SPTLC1: variants seen among roughly 807,000 people sequenced by gnomAD.
The protein encoded by SPTLC1 is serine palmitoyltransferase long chain base subunit 1.
Under a neutral mutation model 68.9 loss-of-function variants are expected in SPTLC1, and 55 were observed. The observed-to-expected ratio is 0.80, with a 90% CI of 0.64 to 1.00. The LOEUF (loss-of-function observed/expected upper bound fraction) is 1.00, where lower values mean the gene tolerates loss of function less well. Ranked by LOEUF, SPTLC1 falls within the 50% of genes least tolerant of loss-of-function variation. SPTLC1 has a pLI of 0.00. For missense variants in SPTLC1, 449 were observed against 573.1 expected (o/e 0.78, Z 2.21); for synonymous variants, 197 against 201.6 (o/e 0.98, Z 0.19).
chr9:92,087,863 G>A (rs1249975033), intron 3 of SPTLC1, among the ~76,000 whole-genome samples: 2 of 152,380 alleles, frequency 1.3e-5, no homozygotes, highest in East Asian at 1.9e-4. Context: ...AGCCTACAGA[G>A]GCAGGCAGAC....
At chr9:92,060,961 G>T (rs1365468354) in intron 6 of SPTLC1, among the ~76,000 whole-genome samples, 2 of 151,158 alleles carry the variant, frequency 1.3e-5, no homozygotes, top group Non-Finnish European at 2.9e-5. Context: ...GAGCACAACA[G>T]GAAGAAAATA....
At chr9:92,089,343 G>T (rs1835273754) in intron 3 of SPTLC1, among the ~76,000 whole-genome samples, 2 of 152,260 alleles carry the variant, frequency 1.3e-5, no homozygotes, top group Non-Finnish European at 2.9e-5. Flanking sequence ...AACCCAGGAG[G>T]CAGAGGTTGC....
chr9:92,059,035 C>T (rs62567927), intron 7 of SPTLC1, 144 bp downstream of exon 7: 13,048 of 986,522 alleles, frequency 0.013, 101 homozygotes, highest in Non-Finnish European at 0.016. Flanking sequence ...CTCTCCAACA[C>T]CAAGTACATT....
chr9:92,058,750 T>C (rs547457324), intron 7 of SPTLC1, among the ~76,000 whole-genome samples: 2 of 152,338 alleles, frequency 1.3e-5, no homozygotes, highest in Admixed American at 1.3e-4. Context: ...CATATATTAA[T>C]ATAATAAGCT....
At chr9:92,060,188 T>C (rs1834039134) in intron 6 of SPTLC1, among the ~76,000 whole-genome samples, 1 of 152,168 alleles carries the variant, frequency 6.6e-6, no homozygotes, top group African/African-American at 2.4e-5. Flanking sequence ...CCCTAGCCCC[T>C]TCCCCTGTTG....
At chr9:92,057,550 C>T (rs557609538) in intron 7 of SPTLC1, among the ~76,000 whole-genome samples, 1 of 152,344 alleles carries the variant, frequency 6.6e-6, no homozygotes, top group South Asian at 2.1e-4. Flanking sequence ...CTAGCCTAAT[C>T]TCCTTAATTA....
intron 6 of SPTLC1, among the ~76,000 whole-genome samples, chr9:92,063,320 T>C (rs1834168222): frequency 6.6e-6 from 1 of 152,088 alleles, no homozygotes. Context: ...TCACTCAATA[T>C]GACAGATAAT....
At chr9:92,092,303 C>T (rs571581018) in intron 3 of SPTLC1, among the ~76,000 whole-genome samples, 70 of 152,178 alleles carry the variant, frequency 4.6e-4, no homozygotes, top group Non-Finnish European at 7.1e-4. Flanking sequence ...TCATCCAGAA[C>T]ATGTTTTTTA....
At chr9:92,036,722 T>C (rs559102381) in intron 13 of SPTLC1, among the ~76,000 whole-genome samples, 6 of 152,394 alleles carry the variant, frequency 3.9e-5, no homozygotes, top group Non-Finnish European at 4.4e-5. Context: ...GGCTTGTCCA[T>C]TTAGTTTGTA....
At position 92,032,418 on chromosome 9, in the gene SPTLC1, CCT is replaced by C. The variant is rs1337317419; in HGVS notation, c.*45_*46del. 1.2e-5 allele frequency: 20 copies of C among 1,613,704 alleles called. No individual in the cohort carries two copies. The highest frequency in any genetic ancestry group is 1.7e-5 in the Non-Finnish European group (20 of 1,179,982). Reference sequence around the variant, plus strand: ...TCCATGGCCAGCGGGAGTCTTGAGTCCTCTCTGCGTGTTGTGTGGCAGGAGGC... The same window carrying C: ...TCCATGGCCAGCGGGAGTCTTGAGTCCTCTGCGTGTTGTGTGGCAGGAGGC... On this transcript the variant is annotated 3_prime_UTR_variant, in exon 15 of 15. Transcript: ENST00000262554.
chr9:92,057,491 CACTG>C (rs1374262727), intron 7 of SPTLC1, among the ~76,000 whole-genome samples: 1 of 152,250 alleles, frequency 6.6e-6, no homozygotes, highest in Admixed American at 6.5e-5. Context: ...TCTGTGTTAG[CACTG>C]ACTATTACTA....
At chr9:92,040,802 G>C (rs990707292) in intron 12 of SPTLC1, among the ~76,000 whole-genome samples, 2 of 151,884 alleles carry the variant, frequency 1.3e-5, no homozygotes, top group Non-Finnish European at 2.9e-5. Flanking sequence ...GGCACCTGAG[G>C]TCCAGATCTA....
intron 12 of SPTLC1, among the ~76,000 whole-genome samples, chr9:92,043,616 C>T (rs940031677): frequency 6.6e-6 from 1 of 152,170 alleles, no homozygotes; most frequent in African/African-American, 2.4e-5. Flanking sequence ...TGCATATGAA[C>T]TTCTGCTAGA....
At chr9:92,070,721 A>G (rs1834449229) in intron 5 of SPTLC1, among the ~76,000 whole-genome samples, 1 of 152,198 alleles carries the variant, frequency 6.6e-6, no homozygotes, top group South Asian at 2.1e-4. Context: ...GGTTAGTAGG[A>G]TGACTGCACA....
chr9:92,114,275 T>A (rs1836353723), intron 1 of SPTLC1, among the ~76,000 whole-genome samples: 1 of 151,424 alleles, frequency 6.6e-6, no homozygotes, highest in African/African-American at 2.4e-5. Context: ...CTTTAAAAAA[T>A]AAAATAAAAT....
chr9:92,083,381 G>A (rs1200876732), intron 3 of SPTLC1, among the ~76,000 whole-genome samples: 8 of 151,666 alleles, frequency 5.3e-5, no homozygotes, highest in Non-Finnish European at 8.8e-5. Context: ...TAGGTCTAAC[G>A]TTTAAGTCTT....
At chr9:92,102,720 A>G (rs1835800971) in intron 3 of SPTLC1, among the ~76,000 whole-genome samples, 1 of 152,254 alleles carries the variant, frequency 6.6e-6, no homozygotes, top group Non-Finnish European at 1.5e-5. Flanking sequence ...TCACCAAACC[A>G]TAAAGCAAAC....
At chr9:92,078,652 A>G (rs10117394) in intron 5 of SPTLC1, among the ~76,000 whole-genome samples, 16,646 of 152,236 alleles carry the variant, frequency 0.11, 1,981 homozygotes, top group African/African-American at 0.3. Flanking sequence ...ACGGGGTCTC[A>G]CTACATTGCC....
chr9:92,093,430 A>C (rs968884639), intron 3 of SPTLC1, among the ~76,000 whole-genome samples: 1 of 152,212 alleles, frequency 6.6e-6, no homozygotes, highest in African/African-American at 2.4e-5. Context: ...AGGCCATACC[A>C]GTAAAACTGT....
Sources: allele counts gnomAD v4.1 joint callset (sites outside exome capture counted in the v4.1 genomes callset), GRCh38; gene constraint gnomAD v4.1.1; transcripts MANE v1.5; gene names NCBI Gene and HGNC (gene_info 2026-07-23, HGNC 2026-07-21).